The following SLC35F6 variants were observed in gnomAD, a reference collection of about 807,000 sequenced individuals.
The protein encoded by SLC35F6 is solute carrier family 35 member F6, also known as ANT2-binding protein.
Under a neutral mutation model 29.4 loss-of-function variants are expected in SLC35F6, and 26 were observed. The observed-to-expected ratio is 0.89, with a 90% confidence interval of 0.65 to 1.23. The LOEUF (loss-of-function observed/expected upper bound fraction) is 1.23, where lower values mean the gene tolerates loss of function less well. Among genes scored for constraint, SLC35F6 ranks in the 50% most tolerant of loss-of-function variants. The probability of loss-of-function intolerance (pLI) is 0.00; values close to 1 mark genes in which losing one functional copy is unlikely to be tolerated. For synonymous variants in SLC35F6, 174 were observed against 206.6 expected, an observed-to-expected ratio of 0.84 and a Z score of 1.35; for missense variants, 428 against 487.8, an observed-to-expected ratio of 0.88 and a Z score of 1.15.
intron 1 of SLC35F6, among the ~76,000 whole-genome samples, chr2:26,773,607 G>C (rs7605144): frequency 6.7e-6 from 1 of 149,026 alleles, no homozygotes; most frequent in African/African-American, 2.5e-5. Context: ...AATATATATA[G>C]ATATGCTTTT....
chr2:26,775,904 C>T lies in SLC35F6; in HGVS notation c.535+228C>T, dbSNP rs1376740379. ...CGAGGGGCTGGCTTGTCCTTTGATA[C>T]AGATGCAGACATGCAAACTACTGGA... On this transcript the variant is annotated intron_variant, in intron 4 of 5. Transcript: ENST00000344420. The surrounding 1 kb of genome is among the most constrained non-coding windows in gnomAD (Gnocchi z 4.6). Among the ~76,000 whole-genome samples the T allele has an allele frequency of 1.3e-5, 2 of 152,142 alleles. No homozygotes were observed. The highest frequency in any genetic ancestry group is 2.9e-5 in the Non-Finnish European group (2 of 68,028).
At position 26,775,083 on chromosome 2, in the gene SLC35F6, G is replaced by C. The variant is rs760511384; in HGVS notation, c.190G>C (p.Ala64Pro). The C allele has an allele frequency of 4.3e-6, 7 of 1,614,100 alleles. No individual in the cohort carries two copies. In the South Asian group the frequency reaches 7.7e-5, roughly 18 times the overall value. The change falls in exon 3 of 6, where the codon GCC (alanine) becomes CCC (proline). Residue 64 changes from alanine to proline, a missense_variant. Ala to Pro is a conservative substitution (Grantham distance 27). Coordinates refer to ENST00000344420, the MANE Select transcript of SLC35F6 (RefSeq NM_017877.4). This position sits in a 1 kb window ranked among gnomAD's most constrained non-coding sequence, Gnocchi z 4.6. ...MFLGEFSCLA[A>P]FYLLRCRAAG... ...CCTGGGAGAATTCTCCTGCCTGGCT[G>C]CCTTCTACCTCCTCCGATGCAGAGC...
chr2:26,768,522 C>T (rs1019796973), intron 1 of SLC35F6, among the ~76,000 whole-genome samples: 12 of 151,966 alleles, frequency 7.9e-5, no homozygotes, highest in Admixed American at 6.6e-4. Context: ...CCACCATGCC[C>T]GGATAATTTT....
At chr2:26,771,862 G>A (rs1249835302) in intron 1 of SLC35F6, among the ~76,000 whole-genome samples, 1 of 151,716 alleles carries the variant, frequency 6.6e-6, no homozygotes, top group Non-Finnish European at 1.5e-5. Context: ...TTCCTGACCT[G>A]GGGTGGAGGC....
chr2:26,780,763 G>A lies in SLC35F6; in HGVS notation c.*2252G>A, dbSNP rs1336886179. The A allele has an allele frequency of 6.6e-6, 1 of 152,278 alleles. No individual in the cohort carries two copies. Among genetic ancestry groups the A allele is most frequent in the African/African-American group, 2.4e-5 (1 of 41,428 alleles). 9.4% of individuals were successfully genotyped at this position (152,278 alleles called of 1,614,324 possible). A position where few individuals can be genotyped will look rare whatever the true frequency, so the allele number is the denominator to read the frequency against. On this transcript the variant is annotated 3_prime_UTR_variant, in exon 6 of 6. Transcript: ENST00000344420. ...AAGGGGTGGCATCAGGAACCGCAGG[G>A]AACCAAGCAGCCTTTGGTCCAGTGC...
chr2:26,769,183 A>C (rs1263268489), intron 1 of SLC35F6, among the ~76,000 whole-genome samples: 1 of 152,228 alleles, frequency 6.6e-6, no homozygotes, highest in East Asian at 1.9e-4. Context: ...CCACTTCCTC[A>C]GTCTGTTTTC....
At position 26,776,485 on chromosome 2, in the gene SLC35F6, G is replaced by A. The variant is rs545453011; in HGVS notation, c.646+3G>A. The A allele has an allele frequency of 2.4e-5, 38 of 1,613,930 alleles. No homozygotes were observed. The South Asian group carries it at 3.5e-4, about 15-fold the overall frequency. ...ACTGCGGGCAGTTGGCACTGAGGGT[G>A]TGTGTGGGCACAGGGGCCTGGAAGG... On this transcript the variant is annotated splice_donor_region_variant and intron_variant, in intron 5 of 5. Coordinates refer to ENST00000344420, the MANE Select transcript of SLC35F6 (RefSeq NM_017877.4).
intron 1 of SLC35F6, among the ~76,000 whole-genome samples, chr2:26,770,832 G>A (rs1331689325): frequency 6.6e-6 from 1 of 152,222 alleles, no homozygotes; most frequent in South Asian, 2.1e-4. Context: ...GGCAAACTGG[G>A]GCTGGATTTT....
In SLC35F6 at chr2:26,775,080, G is replaced by C; in HGVS notation, c.187G>C (p.Ala63Pro). The change falls in exon 3 of 6, where the codon GCT becomes CCT. Residue 63 changes from alanine (A) to proline (P), a missense_variant. Physicochemically the swap from Ala to Pro is conservative, Grantham distance 27. Transcript: ENST00000344420. The surrounding 1 kb of genome is among the most constrained non-coding windows in gnomAD (Gnocchi z 4.6). ...GMFLGEFSCL[A>P]AFYLLRCRAA... ...GTTCCTGGGAGAATTCTCCTGCCTG[G>C]CTGCCTTCTACCTCCTCCGATGCAG... is the stretch of plus-strand genomic sequence containing the variant. 28 of 1,614,016 alleles carry C rather than the reference G, an allele frequency of 1.7e-5. No individual in the cohort carries two copies. The highest frequency in any genetic ancestry group is 2.3e-5 in the Non-Finnish European group (27 of 1,179,972).
intron 5 of SLC35F6, among the ~76,000 whole-genome samples, chr2:26,777,123 G>A (rs1355960449): frequency 6.6e-6 from 1 of 152,194 alleles, no homozygotes; most frequent in African/African-American, 2.4e-5. Flanking sequence ...CGCCTGAACT[G>A]GGGGAGCAGA....
Position 26,768,122 on chromosome 2 carries a change from C to G in SLC35F6, c.77+3696C>G, listed in dbSNP as rs538316317. On this transcript the variant is annotated intron_variant, in intron 1 of 5. Transcript: ENST00000344420. ...TGTTTGCCCTTGGCAGCTGCCCCACCACCCTTGGGTTCCATGAACTGGCAT... is the reference window on the plus strand; with the variant it reads ...TGTTTGCCCTTGGCAGCTGCCCCACGACCCTTGGGTTCCATGAACTGGCAT... 3.9e-5 allele frequency among the ~76,000 whole-genome samples: 6 copies of G among 152,334 alleles called. No individual in the cohort carries two copies. In the East Asian group the frequency reaches 1.2e-3, roughly 29 times the overall value.
In SLC35F6 at chr2:26,778,764, T is replaced by C; in HGVS notation, c.*253T>C. 2.0e-6 allele frequency: 1 copy of C among 490,184 alleles called. No individual in the cohort carries two copies. Among genetic ancestry groups the C allele is most frequent in the Non-Finnish European group, 3.6e-6 (1 of 277,526 alleles). The allele number at this position is 490,184 out of a possible 1,614,324, so 30.4% of individuals were successfully genotyped here. A position where few individuals can be genotyped will look rare whatever the true frequency, so the allele number is the denominator to read the frequency against. ...GGCAGACCTCAGCTCTCTGGACCCC[T>C]CCTACAGCACTAGAGCTAAATCATG... On this transcript the variant is annotated 3_prime_UTR_variant, in exon 6 of 6. Transcript: ENST00000344420.
At chr2:26,774,197 C>G in intron 1 of SLC35F6, 54 bp from the exon 2 acceptor site, 24 of 1,604,850 alleles carry the variant, frequency 1.5e-5, no homozygotes, top group Non-Finnish European at 2.0e-5. Flanking sequence ...AGCCTCTTCA[C>G]TAGCACCAGG....
intron 5 of SLC35F6, among the ~76,000 whole-genome samples, 153 bp from the exon 6 acceptor site, chr2:26,777,889 G>A (rs924444767): frequency 1.3e-5 from 2 of 152,122 alleles, no homozygotes; most frequent in African/African-American, 2.4e-5. Context: ...TAGGCCACAA[G>A]CTCCTGATGA....
intron 2 of SLC35F6, 49 bp from the exon 3 acceptor site, chr2:26,774,995 C>T (rs1664271251): frequency 6.5e-7 from 1 of 1,546,704 alleles, no homozygotes; most frequent in Non-Finnish European, 8.7e-7. Flanking sequence ...TAAAGATGAT[C>T]CCCGAGATCC....
chr2:26,776,159 G>C (rs1402303017), intron 4 of SLC35F6, among the ~76,000 whole-genome samples: 1 of 152,236 alleles, frequency 6.6e-6, no homozygotes, highest in Non-Finnish European at 1.5e-5. Flanking sequence ...GCAGCTCTTA[G>C]ACACAGGCAG....
chr2:26,772,393 C>T (rs1006458718), intron 1 of SLC35F6, among the ~76,000 whole-genome samples: 7 of 152,210 alleles, frequency 4.6e-5, no homozygotes, highest in African/African-American at 1.2e-4. Flanking sequence ...AAAGAAGTCC[C>T]GAGTCTTGCA....
At position 26,778,438 on chromosome 2, in the gene SLC35F6, G is replaced by C. The variant is rs61738493; in HGVS notation, c.1043G>C (p.Arg348Pro). Reference protein sequence around the residue: ...RPLLGRLSRGRPLAEESEQER... With the variant: ...RPLLGRLSRGPPLAEESEQER... The stretch of plus-strand genomic sequence containing the variant: ...CTGCTGGGCCGCCTGTCCAGGGGCC[G>C]GCCCCTGGCAGAGGAGAGCGAGCAG... The change falls in exon 6 of 6, where the codon CGG (arginine) becomes CCG (proline). Residue 348 changes from arginine (R) to proline (P), a missense_variant. By Grantham distance (103) the Arg-to-Pro change is moderately radical. Transcript: ENST00000344420. 14 of 1,613,934 alleles carry C rather than the reference G, an allele frequency of 8.7e-6. No homozygotes were observed. Among genetic ancestry groups the C allele is most frequent in the Non-Finnish European group, 1.0e-5 (12 of 1,179,974 alleles).
chr2:26,777,349 A>C (rs994060447), intron 5 of SLC35F6, among the ~76,000 whole-genome samples: 11 of 152,248 alleles, frequency 7.2e-5, no homozygotes, highest in Non-Finnish European at 8.8e-5. Context: ...GTTTTTGAGC[A>C]GGGAAGTAAG....
Sources: allele counts gnomAD v4.1 joint callset (sites outside exome capture counted in the v4.1 genomes callset), GRCh38; gene constraint gnomAD v4.1.1; non-coding constraint Gnocchi (gnomAD v3.1); transcripts MANE v1.5; gene names NCBI Gene and HGNC (gene_info 2026-07-23, HGNC 2026-07-21).